The following CSMD1 variants were observed in gnomAD, a reference collection of about 807,000 sequenced individuals.
The protein encoded by CSMD1 is CUB and sushi domain-containing protein 1.
A neutral mutation model predicts 417.5 loss-of-function variants in CSMD1; 213 were observed. The ratio of observed to expected loss-of-function variants is 0.51; its 90% confidence interval spans 0.46 to 0.57. CSMD1 has a LOEUF of 0.57. Ranked by LOEUF, CSMD1 falls within the 20% of genes least tolerant of loss-of-function variation. CSMD1 has a pLI of 0.00. For missense variants in CSMD1, 6,923 were observed against 4,529.7 expected (o/e 1.53, Z -15.17); for synonymous variants, 2,862 against 1,736.8 (o/e 1.65, Z -16.11).
intron 10 of CSMD1, among the ~76,000 whole-genome samples, chr8:3,550,651 T>C (rs1798871024): frequency 6.6e-6 from 1 of 152,176 alleles, no homozygotes; most frequent in African/African-American, 2.4e-5. Context: ...CCTTTCTTAC[T>C]GGTTTGCTTT....
intron 1 of CSMD1, among the ~76,000 whole-genome samples, chr8:4,789,519 A>G (rs1585101033): frequency 1.3e-5 from 2 of 152,010 alleles, no homozygotes; most frequent in East Asian, 3.9e-4. Context: ...CACCTATATA[A>G]TTTTACTGTG....
At chr8:4,541,519 G>A (rs1216983311) in intron 2 of CSMD1, among the ~76,000 whole-genome samples, 5 of 152,012 alleles carry the variant, frequency 3.3e-5, no homozygotes, top group Admixed American at 1.3e-4. Context: ...AGGCTGAACT[G>A]GGCCTATTGC....
At chr8:3,826,500 C>G (rs1313650231) in intron 5 of CSMD1, among the ~76,000 whole-genome samples, 1 of 152,144 alleles carries the variant, frequency 6.6e-6, no homozygotes, top group Admixed American at 6.5e-5. Flanking sequence ...ACCATGAAAG[C>G]TCTTCTAGAA....
Position 3,522,037 on chromosome 8 carries a change from T to C in CSMD1, c.1345-28311A>G, listed in dbSNP as rs550245859. Among the ~76,000 whole-genome samples, 284 of 152,362 alleles carry C rather than the reference T, an allele frequency of 1.9e-3. 3 individuals are homozygous for C. Among genetic ancestry groups the C allele is most frequent in the African/African-American group, 6.3e-3 (264 of 41,578 alleles). ...CTTTCATCTCAATTACATTAGAGTA[T>C]TGCCTGTGTGAATAATTTTTCTCCT... On this transcript the variant is annotated intron_variant, in intron 10 of 69. Coordinates refer to ENST00000635120, the MANE Select transcript of CSMD1 (RefSeq NM_033225.6).
chr8:3,814,505 C>A (rs772137699), intron 5 of CSMD1, among the ~76,000 whole-genome samples: 3 of 152,176 alleles, frequency 2.0e-5, no homozygotes, highest in Non-Finnish European at 4.4e-5. Flanking sequence ...TTCATCCTCC[C>A]TTCCGTGACG....
chr8:4,896,556 C>T (rs896625745), intron 1 of CSMD1, among the ~76,000 whole-genome samples: 1 of 152,096 alleles, frequency 6.6e-6, no homozygotes, highest in Non-Finnish European at 1.5e-5. Context: ...CTTCCTTCAC[C>T]TAACCTTACA....
At position 4,841,930 on chromosome 8, in the gene CSMD1, A is replaced by AAACAAAAAACAAAAC. The variant is rs1800864428; in HGVS notation, c.85+152401_85+152402insGTTTTGTTTTTTGTT. ...CCGTCTCAAAAAAAAAAAAAAAAAA[A>AAACAAAAAACAAAAC]AAAAAAAAGTTCAGAACAATGGATA... On this transcript the variant is annotated intron_variant, in intron 1 of 69. Coordinates refer to ENST00000635120, the MANE Select transcript of CSMD1 (RefSeq NM_033225.6). Among the ~76,000 whole-genome samples the AAACAAAAAACAAAAC allele has an allele frequency of 4.5e-3, 557 of 122,486 alleles. 19 individuals are homozygous for AAACAAAAAACAAAAC. Among genetic ancestry groups the AAACAAAAAACAAAAC allele is most frequent in the African/African-American group, 0.017 (510 of 30,028 alleles). 80.4% of individuals were successfully genotyped at this position (122,486 alleles called of 152,430 possible).
At chr8:4,136,308 G>T (rs1803431445) in intron 3 of CSMD1, among the ~76,000 whole-genome samples, 1 of 152,156 alleles carries the variant, frequency 6.6e-6, no homozygotes. Context: ...TTAGCTTCCA[G>T]ATTTTATCAC....
intron 5 of CSMD1, among the ~76,000 whole-genome samples, chr8:3,925,103 C>T (rs1362724543): frequency 1.3e-5 from 2 of 152,148 alleles, no homozygotes; most frequent in Non-Finnish European, 2.9e-5. Context: ...TTCTTTCTTA[C>T]CAGTCAGTAA....
chr8:3,091,749 G>T, intron 47 of CSMD1, 87 bp from the exon 48 acceptor site: 1 of 1,167,066 alleles, frequency 8.6e-7, no homozygotes, highest in Non-Finnish European at 1.2e-6. Context: ...TTACACTGGA[G>T]TCTACGTGTG....
chr8:3,469,880 A>G (rs1371590102), intron 11 of CSMD1, among the ~76,000 whole-genome samples: 1 of 152,108 alleles, frequency 6.6e-6, no homozygotes, highest in African/African-American at 2.4e-5. Flanking sequence ...CTAAATATGT[A>G]TTTCTTTCTG....
At chr8:4,739,860 C>T (rs1810489425) in intron 1 of CSMD1, among the ~76,000 whole-genome samples, 1 of 152,152 alleles carries the variant, frequency 6.6e-6, no homozygotes, top group Admixed American at 6.5e-5. Flanking sequence ...TCCTACTCTT[C>T]CCAGAGGGAT....
chr8:4,150,177 C>A (rs969318933), intron 3 of CSMD1, among the ~76,000 whole-genome samples: 1 of 152,148 alleles, frequency 6.6e-6, no homozygotes, highest in Non-Finnish European at 1.5e-5. Flanking sequence ...CCAGGTATGT[C>A]CTGAGGCATC....
intron 1 of CSMD1, among the ~76,000 whole-genome samples, chr8:4,825,892 G>C (rs1799799375): frequency 6.6e-6 from 1 of 151,912 alleles, no homozygotes; most frequent in African/African-American, 2.4e-5. Context: ...AAAAGGTGCT[G>C]AACATCACTG....
At chr8:3,034,768 G>A (rs1315888756) in intron 50 of CSMD1, among the ~76,000 whole-genome samples, 1 of 152,006 alleles carries the variant, frequency 6.6e-6, no homozygotes, top group Non-Finnish European at 1.5e-5. Context: ...TAGTCTATAG[G>A]GACATTTTCA....
chr8:3,523,045 C>G (rs10097614), intron 10 of CSMD1, among the ~76,000 whole-genome samples: 22,315 of 149,986 alleles, frequency 0.15, 1,791 homozygotes, highest in Admixed American at 0.23. Flanking sequence ...ACACACTACT[C>G]TTAAAAATAA....
intron 49 of CSMD1, among the ~76,000 whole-genome samples, chr8:3,075,708 G>T (rs2129000670): frequency 6.6e-6 from 1 of 152,042 alleles, no homozygotes; most frequent in African/African-American, 2.4e-5. Flanking sequence ...TTATATTTCT[G>T]GACTATGTAA....
At chr8:3,596,174 G>A (rs920981938) in intron 8 of CSMD1, among the ~76,000 whole-genome samples, 6 of 152,294 alleles carry the variant, frequency 3.9e-5, no homozygotes, top group Non-Finnish European at 4.4e-5. Context: ...AGAGACATGG[G>A]AGAAGGAAGC....
chr8:3,157,607 C>T (rs1250756212), intron 39 of CSMD1, among the ~76,000 whole-genome samples: 2 of 152,232 alleles, frequency 1.3e-5, no homozygotes, highest in Non-Finnish European at 2.9e-5. Context: ...AATTAACAAA[C>T]TGGCCTTCTG....
Sources: allele counts gnomAD v4.1 joint callset (sites outside exome capture counted in the v4.1 genomes callset), GRCh38; gene constraint gnomAD v4.1.1; transcripts MANE v1.5; gene names NCBI Gene and HGNC (gene_info 2026-07-23, HGNC 2026-07-21).